Variants in GRID2 observed in about 807,000 individuals in gnomAD.
The protein encoded by GRID2 is glutamate ionotropic receptor delta type subunit 2.
Under a neutral mutation model 114.8 loss-of-function variants are expected in GRID2, and 33 were observed. That is an observed-to-expected ratio of 0.29 (90% CI 0.22 to 0.38). The LOEUF (loss-of-function observed/expected upper bound fraction) is 0.38. GRID2 is among the 10% of genes least tolerant of loss of function. The probability of loss-of-function intolerance (pLI) is 1.00; values close to 1 mark genes in which losing one functional copy is unlikely to be tolerated. For missense variants in GRID2, 1,184 were observed against 1,257.7 expected, an observed-to-expected ratio of 0.94 and a Z score of 0.89; for synonymous variants, 505 against 449.9, an observed-to-expected ratio of 1.12 and a Z score of -1.55.
chr4:92,408,699 G>T (rs1579311947), intron 1 of GRID2, among the ~76,000 whole-genome samples: 1 of 151,158 alleles, frequency 6.6e-6, no homozygotes, highest in East Asian at 1.9e-4. Flanking sequence ...TCACCTCCTT[G>T]GTTAGATAAA....
intron 9 of GRID2, among the ~76,000 whole-genome samples, chr4:93,418,581 G>A (rs779545303): frequency 6.6e-6 from 1 of 151,860 alleles, no homozygotes; most frequent in Admixed American, 6.6e-5. Flanking sequence ...ATCAATTTCT[G>A]TTCCTTGTTT....
rs373570971 is a variant in GRID2, at chr4:93,703,294, A to T, written c.2361-65916A>T. Among the ~76,000 whole-genome samples, 10 of 152,130 alleles carry T rather than the reference A, an allele frequency of 6.6e-5. No individual in the cohort carries two copies. The East Asian group carries it at 1.2e-3, about 18-fold the overall frequency. On this transcript the variant is annotated intron_variant, in intron 14 of 15. Transcript: ENST00000282020. ...GGGTATATAGTAGGTGAGTATATTT[A>T]TAAGGTACGTGAGATGTTTTGTTAC...
chr4:92,957,624 C>G (rs765892912), intron 2 of GRID2, among the ~76,000 whole-genome samples: 1 of 151,650 alleles, frequency 6.6e-6, no homozygotes, highest in Non-Finnish European at 1.5e-5. Flanking sequence ...TAACATTGTG[C>G]TAGCTATACT....
At chr4:93,723,807 T>A (rs1297153109) in intron 14 of GRID2, among the ~76,000 whole-genome samples, 1 of 152,208 alleles carries the variant, frequency 6.6e-6, no homozygotes, top group Non-Finnish European at 1.5e-5. Flanking sequence ...ATAAACCCTG[T>A]CTTCTGGGAA....
chr4:92,946,698 A>C (rs988716267), intron 2 of GRID2, among the ~76,000 whole-genome samples: 2 of 152,100 alleles, frequency 1.3e-5, no homozygotes, highest in African/African-American at 4.8e-5. Context: ...CTTACATCAG[A>C]TGGACAGAAA....
intron 2 of GRID2, among the ~76,000 whole-genome samples, chr4:92,697,873 A>C (rs2149298657): frequency 6.6e-6 from 1 of 152,282 alleles, no homozygotes. Context: ...GGAAGAAATT[A>C]AAATATAAAC....
chr4:93,666,881 C>A (rs1428606087), intron 14 of GRID2, among the ~76,000 whole-genome samples: 3 of 151,996 alleles, frequency 2.0e-5, no homozygotes, highest in Admixed American at 6.6e-5. Flanking sequence ...AAGGAAAAAA[C>A]AAAATCTTTA....
chr4:92,993,643 T>A (rs1280060176), intron 2 of GRID2, among the ~76,000 whole-genome samples: 2 of 152,212 alleles, frequency 1.3e-5, no homozygotes, highest in Non-Finnish European at 2.9e-5. Context: ...GTTAGGTGTT[T>A]AAGAAAATGA....
intron 2 of GRID2, among the ~76,000 whole-genome samples, chr4:92,856,101 T>C (rs114406784): frequency 0.011 from 1,644 of 152,222 alleles, 34 homozygotes; most frequent in African/African-American, 0.038. Context: ...TGGTTATCTG[T>C]ATCTCTACTC....
At chr4:93,073,233 A>C (rs1728963619) in intron 2 of GRID2, among the ~76,000 whole-genome samples, 1 of 152,194 alleles carries the variant, frequency 6.6e-6, no homozygotes, top group South Asian at 2.1e-4. Context: ...AGAAATGTTT[A>C]ATTGCTTGAT....
At chr4:93,340,575 T>G (rs1395542424) in intron 8 of GRID2, among the ~76,000 whole-genome samples, 2 of 152,134 alleles carry the variant, frequency 1.3e-5, no homozygotes, top group African/African-American at 2.4e-5. Context: ...TTTGGTTCCT[T>G]CTTTGATTTT....
intron 2 of GRID2, among the ~76,000 whole-genome samples, chr4:92,852,985 G>A (rs1406034221): frequency 3.3e-5 from 5 of 151,836 alleles, no homozygotes; most frequent in Non-Finnish European, 7.4e-5. Flanking sequence ...ATTTTAATAT[G>A]CCAGTGTTTG....
chr4:92,538,433 A>G (rs572146702), intron 1 of GRID2, among the ~76,000 whole-genome samples: 2 of 152,308 alleles, frequency 1.3e-5, no homozygotes, highest in East Asian at 3.9e-4. Context: ...TAATGTGCTC[A>G]GTGTTTTTAT....
At chr4:92,328,309 C>A (rs1297268738) in intron 1 of GRID2, among the ~76,000 whole-genome samples, 2 of 151,910 alleles carry the variant, frequency 1.3e-5, no homozygotes, top group African/African-American at 4.8e-5. Context: ...TAATGTCAGC[C>A]AGATATGTGG....
At chr4:92,378,095 TA>T (rs920583646) in intron 1 of GRID2, among the ~76,000 whole-genome samples, 35 of 148,152 alleles carry the variant, frequency 2.4e-4, no homozygotes, top group Middle Eastern at 3.5e-3. Context: ...TAGAGATCAT[TA>T]AAAAAAAAAC....
intron 14 of GRID2, among the ~76,000 whole-genome samples, chr4:93,753,927 G>T (rs1237001224): frequency 6.6e-6 from 1 of 152,068 alleles, no homozygotes; most frequent in Non-Finnish European, 1.5e-5. Flanking sequence ...TTAGTGATGG[G>T]GATACATTCT....
At chr4:93,213,950 G>A (rs1236274476) in intron 5 of GRID2, among the ~76,000 whole-genome samples, 1 of 151,944 alleles carries the variant, frequency 6.6e-6, no homozygotes, top group African/African-American at 2.4e-5. Flanking sequence ...GGGAAAAAAG[G>A]CTTCCTTAGC....
At chr4:92,419,556 T>G (rs1731790564) in intron 1 of GRID2, among the ~76,000 whole-genome samples, 1 of 152,106 alleles carries the variant, frequency 6.6e-6, no homozygotes, top group South Asian at 2.1e-4. Context: ...TATCTCGTGT[T>G]TCTGGTCTTG....
At chr4:92,860,047 G>T (rs916935002) in intron 2 of GRID2, among the ~76,000 whole-genome samples, 2 of 152,076 alleles carry the variant, frequency 1.3e-5, no homozygotes, top group African/African-American at 4.8e-5. Context: ...ATCATATTTA[G>T]TACTTCACAA....
Sources: allele counts gnomAD v4.1 joint callset (sites outside exome capture counted in the v4.1 genomes callset), GRCh38; gene constraint gnomAD v4.1.1; transcripts MANE v1.5; gene names NCBI Gene and HGNC (gene_info 2026-07-23, HGNC 2026-07-21).